SORBS2: variants seen among roughly 807,000 people sequenced by gnomAD.
The protein encoded by SORBS2 is sorbin and SH3 domain containing 2.
SORBS2 carries 46 observed loss-of-function variants against 97.7 expected under a neutral mutation model. The ratio of observed to expected loss-of-function variants is 0.47; its 90% CI spans 0.37 to 0.60. SORBS2 has a LOEUF of 0.60. Among genes scored for constraint, SORBS2 ranks in the 20% least tolerant of loss-of-function variants. The pLI is 0.00. For missense variants in SORBS2, 1,316 were observed against 1,282.3 expected (o/e 1.03, Z -0.40); for synonymous variants, 476 against 473.4 (o/e 1.01, Z -0.07).
chr4:185,618,878 A>G (rs1227216160), intron 8 of SORBS2, among the ~76,000 whole-genome samples: 1 of 152,214 alleles, frequency 6.6e-6, no homozygotes, highest in East Asian at 1.9e-4. Flanking sequence ...GATTAATGTT[A>G]TAATGAGAGA....
At chr4:185,737,983 C>A (rs1215393079) in intron 2 of SORBS2, among the ~76,000 whole-genome samples, 7 of 152,166 alleles carry the variant, frequency 4.6e-5, no homozygotes, top group African/African-American at 1.7e-4. Context: ...CACACTGCTT[C>A]GTGAAACGGA....
exon 11 of SORBS2, chr4:185,614,859 T>C: frequency 6.2e-7 from 1 of 1,614,188 alleles, no homozygotes; most frequent in Non-Finnish European, 8.5e-7. Flanking sequence ...CACATTTGTG[T>C]CTGCGTTGAA....
intron 2 of SORBS2, among the ~76,000 whole-genome samples, chr4:185,717,706 C>T (rs775747906): frequency 3.9e-5 from 6 of 152,168 alleles, no homozygotes; most frequent in African/African-American, 9.7e-5. Flanking sequence ...CAAGACATTT[C>T]ACTCTGCCAC....
At chr4:185,952,279 C>T (rs184800397) in intron 1 of SORBS2, among the ~76,000 whole-genome samples, 193 of 152,298 alleles carry the variant, frequency 1.3e-3, no homozygotes, top group Non-Finnish European at 2.1e-3. Context: ...CCACCAGCCT[C>T]GGCCTCCCAA....
rs1167694350 is a variant in SORBS2 at position 185,806,515 on chromosome 4, T to G, written c.-337-31149A>C. Among the ~76,000 whole-genome samples the G allele has an allele frequency of 3.4e-4, 48 of 139,656 alleles. 1 individual carries two copies. The highest frequency in any genetic ancestry group is 2.0e-3 in the Admixed American group (27 of 13,428). The allele number at this position is 139,656 out of a possible 152,430, so 91.6% of individuals were successfully genotyped here. ...CTCTGTCGCCCAGGCTGGAGTGCAG[T>G]GGCGGGATCTCGGCTCACTGCAAGC... On this transcript the variant is annotated intron_variant, in intron 1 of 20. Coordinates refer to the SORBS2 transcript ENST00000284776.
At chr4:185,874,143 C>T (rs80250935) in intron 1 of SORBS2, among the ~76,000 whole-genome samples, 10,882 of 152,128 alleles carry the variant, frequency 0.072, 517 homozygotes, top group Non-Finnish European at 0.1. Context: ...ATAAAATTAT[C>T]TGAACAAATA....
chr4:185,928,714 TA>T (rs1365866874), intron 1 of SORBS2, among the ~76,000 whole-genome samples: 1 of 151,898 alleles, frequency 6.6e-6, no homozygotes, highest in South Asian at 2.1e-4. Context: ...CCTGGCTAAT[TA>T]TTTTGTATTT....
rs546736910 is a variant in SORBS2, at chr4:185,789,263, C to T, written c.-337-13897G>A. On this transcript the variant is annotated intron_variant, in intron 1 of 20. Coordinates refer to the SORBS2 transcript ENST00000284776. The stretch of plus-strand genomic sequence containing the variant: ...TTTCTTTGAGATTAATATGATATTT[C>T]CATTTTCCATGAGAAATGAGACTGC... Among the ~76,000 whole-genome samples, 32 of 152,222 alleles carry T rather than the reference C, an allele frequency of 2.1e-4. No homozygotes were observed. The South Asian group carries it at 2.9e-3, about 14-fold the overall frequency.
At chr4:185,744,005 C>A (rs1456067964) in intron 2 of SORBS2, among the ~76,000 whole-genome samples, 1 of 138,052 alleles carries the variant, frequency 7.2e-6, no homozygotes, top group South Asian at 2.6e-4. Context: ...GTCCCCCTCA[C>A]CTTTCCCCTT....
chr4:185,932,729 G>GC (rs869226810), intron 1 of SORBS2, among the ~76,000 whole-genome samples: 1 of 133,588 alleles, frequency 7.5e-6, no homozygotes, highest in South Asian at 2.3e-4. Context: ...AAGCGGATGA[G>GC]CCCCCCTGGG....
chr4:185,587,834 C>A, intron 14 of SORBS2, 146 bp from the exon 27 acceptor site: 1 of 637,382 alleles, frequency 1.6e-6, no homozygotes, highest in Non-Finnish European at 2.8e-6. Context: ...ACATGAAGCC[C>A]ATAGGCAGAC....
intron 1 of SORBS2, among the ~76,000 whole-genome samples, chr4:185,877,833 G>A (rs1426264516): frequency 2.2e-5 from 3 of 134,372 alleles, no homozygotes; most frequent in Admixed American, 8.2e-5. Context: ...TAGCATCACT[G>A]CACTCCAGCC....
At chr4:185,789,540 A>C (rs115419535) in intron 1 of SORBS2, among the ~76,000 whole-genome samples, 4,478 of 150,696 alleles carry the variant, frequency 0.03, 228 homozygotes, top group African/African-American at 0.1. Context: ...GAATATATTT[A>C]TATATAATCA....
At chr4:185,614,605 G>C in intron 11 of SORBS2, 1 of 503,546 alleles carries the variant, frequency 2.0e-6, no homozygotes, top group Non-Finnish European at 3.5e-6. Context: ...AAGCCACAGA[G>C]GGAGAAGCCT....
At chr4:185,724,200 G>A (rs1318965401) in intron 2 of SORBS2, among the ~76,000 whole-genome samples, 1 of 151,904 alleles carries the variant, frequency 6.6e-6, no homozygotes, top group African/African-American at 2.4e-5. Flanking sequence ...TTTTCTTTCA[G>A]TATTGGCTTT....
In SORBS2 at chr4:185,933,407, G is replaced by A. The variant is rs182420180; in HGVS notation, c.-338+22789C>T. On this transcript the variant is annotated intron_variant, in intron 1 of 20. Coordinates refer to the SORBS2 transcript ENST00000284776. Reference sequence around the variant, plus strand: ...GATAACAAAGTACCACAGACAGGATGGCTTAAACATCCTGTGAGAAATGCA... The same window carrying A: ...GATAACAAAGTACCACAGACAGGATAGCTTAAACATCCTGTGAGAAATGCA... 2.0e-5 allele frequency: 3 copies of A among 152,188 alleles called. No homozygotes were observed. In the East Asian group the frequency reaches 5.8e-4, roughly 30 times the overall value. 9.4% of individuals were successfully genotyped at this position (152,188 alleles called of 1,614,324 possible).
chr4:185,677,464 G>T (rs2097804550), intron 4 of SORBS2: 1 of 1,551,878 alleles, frequency 6.4e-7, no homozygotes, highest in Non-Finnish European at 8.7e-7. Context: ...ACAATTGTCT[G>T]TCTCGAATCT....
chr4:185,871,387 C>T (rs566423315), intron 1 of SORBS2, among the ~76,000 whole-genome samples: 1 of 152,250 alleles, frequency 6.6e-6, no homozygotes, highest in East Asian at 1.9e-4. Context: ...ACTAAGAGAG[C>T]TTAGGTAACT....
At chr4:185,656,473 T>A in intron 1 of SORBS2, 1 of 427,392 alleles carries the variant, frequency 2.3e-6, no homozygotes, top group Non-Finnish European at 4.1e-6. Context: ...TCTTTCCCAT[T>A]CTTTGCCTCT....
Sources: gnomAD v4.1 joint callset for allele counts (sites outside exome capture counted in the v4.1 genomes callset) on GRCh38, gnomAD v4.1.1 for gene constraint, MANE v1.5 for transcripts, NCBI Gene and HGNC (gene_info 2026-07-23, HGNC 2026-07-21) for gene names.